CNTN5: variants seen among roughly 807,000 people sequenced by gnomAD.
The protein encoded by CNTN5 is contactin 5.
Under a neutral mutation model 129.1 loss-of-function variants are expected in CNTN5, and 77 were observed. The observed-to-expected ratio is 0.60, with a 90% CI of 0.50 to 0.72. CNTN5 has a LOEUF of 0.72. Ranked by LOEUF, CNTN5 falls within the 30% of genes least tolerant of loss-of-function variation. CNTN5 has a pLI of 0.00. For missense variants in CNTN5, 1,478 were observed against 1,328.8 expected (o/e 1.11, Z -1.75); for synonymous variants, 509 against 465.6 (o/e 1.09, Z -1.20).
At chr11:100,304,642 A>G (rs1315540315) in intron 20 of CNTN5, among the ~76,000 whole-genome samples, 1 of 151,550 alleles carries the variant, frequency 6.6e-6, no homozygotes, top group East Asian at 2.0e-4. Flanking sequence ...TGGAGTGGCA[A>G]GGGGAAAGAG....
At chr11:99,476,985 C>CT (rs1945395192) in intron 2 of CNTN5, among the ~76,000 whole-genome samples, 1 of 151,714 alleles carries the variant, frequency 6.6e-6, no homozygotes, top group African/African-American at 2.4e-5. Context: ...TGTGGTTTTG[C>CT]TTTTTTCTTA....
At chr11:99,407,440 G>A (rs1432680473) in intron 2 of CNTN5, among the ~76,000 whole-genome samples, 2 of 64,730 alleles carry the variant, frequency 3.1e-5, no homozygotes, top group Admixed American at 1.6e-4. Flanking sequence ...GCAAGGCAAA[G>A]TCCTTCCACT....
intron 3 of CNTN5, among the ~76,000 whole-genome samples, chr11:99,684,238 A>G (rs1953687751): frequency 1.3e-5 from 2 of 151,894 alleles, no homozygotes; most frequent in African/African-American, 4.8e-5. Flanking sequence ...TCTATCGAAA[A>G]GTCTAGCACA....
chr11:99,365,414 C>G (rs773575797), intron 2 of CNTN5, among the ~76,000 whole-genome samples: 14 of 152,108 alleles, frequency 9.2e-5, no homozygotes, highest in Non-Finnish European at 1.8e-4. Context: ...TCTAGGCCTC[C>G]TTATTCAAAT....
At chr11:99,227,246 G>T (rs1565418763) in intron 1 of CNTN5, among the ~76,000 whole-genome samples, 1 of 151,856 alleles carries the variant, frequency 6.6e-6, no homozygotes, top group Non-Finnish European at 1.5e-5. Flanking sequence ...TGTAATCCCA[G>T]CTACTCAGGA....
intron 9 of CNTN5, among the ~76,000 whole-genome samples, chr11:100,040,681 G>T (rs181133036): frequency 1.3e-5 from 2 of 152,098 alleles, no homozygotes; most frequent in Non-Finnish European, 2.9e-5. Context: ...AATGGTGGGC[G>T]CCCCTCCCCC....
At chr11:100,081,367 A>G (rs1944358131) in intron 13 of CNTN5, among the ~76,000 whole-genome samples, 2 of 152,148 alleles carry the variant, frequency 1.3e-5, no homozygotes, top group Admixed American at 1.3e-4. Flanking sequence ...TAGACCTCTG[A>G]AACTTTAATG....
intron 2 of CNTN5, among the ~76,000 whole-genome samples, chr11:99,377,685 T>C (rs1591596333): frequency 1.3e-5 from 2 of 152,254 alleles, no homozygotes; most frequent in South Asian, 4.1e-4. Context: ...CAGTAATAAC[T>C]GTAGTGCTAC....
chr11:99,833,224 T>G (rs1475862831), intron 4 of CNTN5, among the ~76,000 whole-genome samples: 1 of 152,120 alleles, frequency 6.6e-6, no homozygotes, highest in African/African-American at 2.4e-5. Flanking sequence ...GGCAGAAGTT[T>G]CAGAAGGAGC....
intron 2 of CNTN5, among the ~76,000 whole-genome samples, chr11:99,468,881 C>T (rs759153703): frequency 1.3e-5 from 2 of 151,832 alleles, no homozygotes; most frequent in African/African-American, 2.4e-5. Context: ...ATGCTTTCTA[C>T]TAGTTTTAGG....
At chr11:99,451,982 G>A (rs2656178) in intron 2 of CNTN5, among the ~76,000 whole-genome samples, 74,845 of 151,794 alleles carry the variant, frequency 0.49, 19,064 homozygotes, top group East Asian at 0.65. Context: ...AAATTGCTCC[G>A]AAGTACAAAT....
chr11:99,873,763 T>A (rs1005909452), intron 6 of CNTN5, among the ~76,000 whole-genome samples: 4 of 152,136 alleles, frequency 2.6e-5, no homozygotes, highest in African/African-American at 9.6e-5. Context: ...TGCACTCATG[T>A]TTATCATAGC....
chr11:100,325,273 G>T (rs1364118941), intron 21 of CNTN5, among the ~76,000 whole-genome samples: 1 of 152,024 alleles, frequency 6.6e-6, no homozygotes, highest in Non-Finnish European at 1.5e-5. Context: ...TAAGGAATTA[G>T]TAGTGAAACT....
At chr11:100,029,580 C>CA (rs34086059) in intron 9 of CNTN5, among the ~76,000 whole-genome samples, 15,492 of 148,590 alleles carry the variant, frequency 0.1, 926 homozygotes, top group East Asian at 0.18. Context: ...GACTCCATCT[C>CA]AAAAAAAAAG....
intron 9 of CNTN5, among the ~76,000 whole-genome samples, chr11:100,030,097 G>C (rs1941630328): frequency 6.6e-6 from 1 of 152,072 alleles, no homozygotes; most frequent in African/African-American, 2.4e-5. Context: ...ATGGCTGTAG[G>C]TCAGGCATGG....
chr11:99,839,865 C>A (rs980650118), intron 4 of CNTN5, among the ~76,000 whole-genome samples: 6 of 151,900 alleles, frequency 3.9e-5, no homozygotes, highest in Admixed American at 3.3e-4. Flanking sequence ...ATGGAGAGAA[C>A]TTTTTTTCTT....
At chr11:99,983,935 G>A (rs764259123) in intron 8 of CNTN5, among the ~76,000 whole-genome samples, 17 of 152,064 alleles carry the variant, frequency 1.1e-4, no homozygotes, top group Non-Finnish European at 2.1e-4. Context: ...TTAAATAACT[G>A]TATCATAAGG....
At chr11:99,503,828 T>C (rs1437078875) in intron 2 of CNTN5, among the ~76,000 whole-genome samples, 1 of 152,190 alleles carries the variant, frequency 6.6e-6, no homozygotes, top group Non-Finnish European at 1.5e-5. Context: ...TTCTCCTTTC[T>C]GTTAAACTAC....
rs1281827311 is a variant in CNTN5 at position 99,591,907 on chromosome 11, T to G, written c.55+35638T>G. ...AAAATTGCTTAGTATAATGGAAAAA[T>G]AAAAATCAATATTGAAATTCCAATA... On this transcript the variant is annotated intron_variant, in intron 3 of 24. Coordinates refer to ENST00000524871, the MANE Select transcript of CNTN5 (RefSeq NM_014361.4). 2.0e-5 allele frequency among the ~76,000 whole-genome samples: 3 copies of G among 152,016 alleles called. No homozygotes were observed. In the East Asian group the frequency reaches 5.8e-4, roughly 29 times the overall value.
Sources: gnomAD v4.1 joint callset for allele counts (sites outside exome capture counted in the v4.1 genomes callset) on GRCh38, gnomAD v4.1.1 for gene constraint, MANE v1.5 for transcripts, NCBI Gene and HGNC (gene_info 2026-07-23, HGNC 2026-07-21) for gene names.